The following PIK3R3 variants were observed in gnomAD, a reference collection of about 807,000 sequenced individuals.
The protein encoded by PIK3R3 is phosphatidylinositol 3-kinase regulatory subunit gamma.
A neutral mutation model predicts 62.9 loss-of-function variants in PIK3R3; 64 were observed. That is an observed-to-expected ratio of 1.02 (90% CI 0.83 to 1.25). The LOEUF is 1.25. Ranked by LOEUF, PIK3R3 falls within the 50% of genes most tolerant of loss-of-function variation. The probability of loss-of-function intolerance (pLI) is 0.00; values close to 1 mark genes in which losing one functional copy is unlikely to be tolerated. For synonymous variants in PIK3R3, 165 were observed against 189.0 expected, an observed-to-expected ratio of 0.87 and a Z score of 1.04; for missense variants, 614 against 561.6, an observed-to-expected ratio of 1.09 and a Z score of -0.94.
the PIK3R3 span, among the ~76,000 whole-genome samples, chr1:46,151,066 C>T: frequency 6.6e-6 from 1 of 152,102 alleles, no homozygotes; most frequent in Non-Finnish European, 1.5e-5. Context: ...CCTCCTTGGC[C>T]TCCCAAAGTG....
intron 1 of PIK3R3, 46 bp from the exon 2 acceptor site, chr1:46,080,796 G>T: frequency 7.5e-7 from 1 of 1,332,444 alleles, no homozygotes. Flanking sequence ...ATTATTTACT[G>T]TTTTCTAATT....
intron 9 of PIK3R3, among the ~76,000 whole-genome samples, chr1:46,045,618 T>TA: frequency 1.2e-5 from 1 of 85,758 alleles, no homozygotes; most frequent in Non-Finnish European, 2.4e-5. Flanking sequence ...AATTAAGTGC[T>TA]TTTTTTTTTT....
chr1:46,062,140 A>C, intron 5 of PIK3R3, 69 bp from the exon 6 acceptor site: 1 of 1,388,220 alleles, frequency 7.2e-7, no homozygotes, highest in Non-Finnish European at 9.8e-7. Context: ...CTTGGTCTTA[A>C]ACAAATTTTG....
At chr1:46,076,045 A>G (rs888601893) in intron 3 of PIK3R3, among the ~76,000 whole-genome samples, 4 of 152,194 alleles carry the variant, frequency 2.6e-5, no homozygotes, top group South Asian at 2.1e-4. Flanking sequence ...TCCTCAGCCA[A>G]TTGGATGGTG....
rs749541000 is a variant in PIK3R3 at position 46,067,107 on chromosome 1, C to T, written c.315-16G>A. 1 of 1,518,778 alleles carries T rather than the reference C, an allele frequency of 6.6e-7. No homozygotes were observed. Among genetic ancestry groups the T allele is most frequent in the East Asian group, 2.4e-5 (1 of 41,816 alleles). The allele number at this position is 1,518,778 out of a possible 1,614,324, so 94.1% of individuals were successfully genotyped here. ...GCCTCCCTTCCTGTGAACAACAAGA[C>T]AACAACTGTGGATTTTTTTCCCCCA... On this transcript the variant is annotated splice_polypyrimidine_tract_variant and intron_variant, in intron 3 of 9. Transcript: ENST00000262741.
intron 1 of PIK3R3, 23 bp downstream of exon 1, chr1:46,131,824 C>CTTT: frequency 2.4e-6 from 3 of 1,231,534 alleles, no homozygotes; most frequent in Non-Finnish European, 3.4e-6. Flanking sequence ...TCACGAGATT[C>CTTT]TTTTTTTTTT....
rs549893215 is a variant in PIK3R3 at position 46,041,381 on chromosome 1, T to C, written c.*2292A>G. On this transcript the variant is annotated 3_prime_UTR_variant, in exon 10 of 10. Transcript: ENST00000262741. ...ATGAATTCAAGAATGAAAAAAAAAA[T>C]GAAGGAATGTAGGACTGAAAAAAAG... is the stretch of plus-strand genomic sequence containing the variant. 1 of 168,760 alleles carries C rather than the reference T, an allele frequency of 5.9e-6. No individual in the cohort carries two copies. The highest frequency in any genetic ancestry group is 2.4e-5 in the African/African-American group (1 of 41,276). 10.5% of individuals were successfully genotyped at this position (168,760 alleles called of 1,614,324 possible).
intron 1 of PIK3R3, among the ~76,000 whole-genome samples, chr1:46,103,856 A>T (rs1652940405): frequency 6.6e-6 from 1 of 151,846 alleles, no homozygotes; most frequent in African/African-American, 2.4e-5. Context: ...GGCCTCCCAA[A>T]GTGCTGGGAT....
intron 5 of PIK3R3, among the ~76,000 whole-genome samples, chr1:46,063,220 A>G (rs1160206032): frequency 6.6e-6 from 1 of 152,244 alleles, no homozygotes; most frequent in African/African-American, 2.4e-5. Flanking sequence ...AGAGGAAGAA[A>G]ATACAGCACT....
At chr1:46,054,684 C>A (rs542275164) in intron 7 of PIK3R3, among the ~76,000 whole-genome samples, 1 of 152,318 alleles carries the variant, frequency 6.6e-6, no homozygotes, top group East Asian at 1.9e-4. Flanking sequence ...CTTTCTCATG[C>A]ATTCTGTCCT....
intron 1 of PIK3R3, among the ~76,000 whole-genome samples, chr1:46,096,433 A>G (rs1365922901): frequency 1.3e-5 from 2 of 152,238 alleles, no homozygotes; most frequent in African/African-American, 4.8e-5. Flanking sequence ...GAAAGACAGT[A>G]TACTAGGCAG....
upstream of PIK3R3, among the ~76,000 whole-genome samples, chr1:46,135,506 A>C (rs1270919377): frequency 6.6e-6 from 1 of 152,198 alleles, no homozygotes; most frequent in African/African-American, 2.4e-5. Flanking sequence ...TGTAACTCCA[A>C]ATGGCTAGGA....
At chr1:46,138,485 T>G in the PIK3R3 span, among the ~76,000 whole-genome samples, 1 of 117,444 alleles carries the variant, frequency 8.5e-6, no homozygotes, top group South Asian at 2.7e-4. Flanking sequence ...CATATGGAGA[T>G]CCCTGTCTCT....
intron 1 of PIK3R3, among the ~76,000 whole-genome samples, chr1:46,082,774 C>T (rs1286469022): frequency 6.6e-6 from 1 of 151,988 alleles, no homozygotes; most frequent in Non-Finnish European, 1.5e-5. Context: ...AAAGAGAAGT[C>T]CCTTAGTTGG....
chr1:46,057,611 C>T, intron 6 of PIK3R3, among the ~76,000 whole-genome samples: 1 of 152,160 alleles, frequency 6.6e-6, no homozygotes, highest in East Asian at 1.9e-4. Context: ...TTGTTGTGAA[C>T]TGGAGCAAAG....
At chr1:46,113,759 T>A (rs1219908136) in intron 1 of PIK3R3, among the ~76,000 whole-genome samples, 1 of 152,254 alleles carries the variant, frequency 6.6e-6, no homozygotes, top group African/African-American at 2.4e-5. Flanking sequence ...CAATATTTAC[T>A]GAATACTTTG....
intron 1 of PIK3R3, among the ~76,000 whole-genome samples, chr1:46,109,030 G>A (rs1474107385): frequency 6.6e-6 from 1 of 152,076 alleles, no homozygotes; most frequent in Non-Finnish European, 1.5e-5. Context: ...ATGGTAGTGA[G>A]CGCCTATAGT....
At chr1:46,170,991 G>A in the PIK3R3 span, among the ~76,000 whole-genome samples, 1 of 152,194 alleles carries the variant, frequency 6.6e-6, no homozygotes, top group African/African-American at 2.4e-5. Flanking sequence ...TTCCATAACT[G>A]TGAACTCCAT....
At chr1:46,083,462 T>C (rs566092668) in intron 1 of PIK3R3, among the ~76,000 whole-genome samples, 1 of 152,278 alleles carries the variant, frequency 6.6e-6, no homozygotes, top group Non-Finnish European at 1.5e-5. Context: ...AGACAACCTA[T>C]AGCATGGGAG....
Sources: gnomAD v4.1 joint callset for allele counts (sites outside exome capture counted in the v4.1 genomes callset) on GRCh38, gnomAD v4.1.1 for gene constraint, MANE v1.5 for transcripts, NCBI Gene and HGNC (gene_info 2026-07-23, HGNC 2026-07-21) for gene names.